The following RAP1A variants were observed in gnomAD, a reference collection of about 807,000 sequenced individuals.
RAP1A encodes the protein RAP1A, member of RAS oncogene family.
Under a neutral mutation model 26.4 loss-of-function variants are expected in RAP1A, and 6 were observed. The ratio of observed to expected loss-of-function variants is 0.23; its 90% CI spans 0.12 to 0.45. The LOEUF (loss-of-function observed/expected upper bound fraction) is 0.45, where lower values mean the gene tolerates loss of function less well. RAP1A is among the 20% of genes least tolerant of loss of function. The probability of loss-of-function intolerance (pLI) is 0.99; values close to 1 mark genes in which losing one functional copy is unlikely to be tolerated. For synonymous variants in RAP1A, 73 were observed against 79.4 expected (o/e 0.92, Z 0.43); for missense variants, 121 against 217.2 (o/e 0.56, Z 2.78).
chr1:111,619,803 G>T lies in RAP1A; in HGVS notation c.-159G>T. On this transcript the variant is annotated 5_prime_UTR_variant, in exon 1 of 8. It adds an upstream start codon to the 5' untranslated region. Coordinates refer to ENST00000369709, the MANE Select transcript of RAP1A (RefSeq NM_002884.4). ...GAGGAGGCGCCGCCGCCGCTCCCGA[G>T]GCCCCTGCCGCCGCCGCTCCCGCTG... is the stretch of plus-strand genomic sequence containing the variant. The T allele has an allele frequency of 2.5e-6, 1 of 398,844 alleles. No homozygotes were observed. Among genetic ancestry groups the T allele is most frequent in the Non-Finnish European group, 4.4e-6 (1 of 226,610 alleles). 24.7% of individuals were successfully genotyped at this position (398,844 alleles called of 1,614,324 possible).
chr1:111,701,257 C>T (rs964766943), intron 4 of RAP1A, among the ~76,000 whole-genome samples: 2 of 152,116 alleles, frequency 1.3e-5, no homozygotes, highest in African/African-American at 4.8e-5. Flanking sequence ...ACACTTTAGA[C>T]ATGTTTCCCT....
intron 1 of RAP1A, among the ~76,000 whole-genome samples, chr1:111,650,199 G>A (rs2101134180): frequency 7.1e-6 from 1 of 141,200 alleles, no homozygotes; most frequent in Non-Finnish European, 1.5e-5. Context: ...TACTTTTAAA[G>A]ATAAGAAGTT....
intron 1 of RAP1A, among the ~76,000 whole-genome samples, chr1:111,621,675 G>T (rs1481915790): frequency 6.6e-6 from 1 of 152,090 alleles, no homozygotes; most frequent in Non-Finnish European, 1.5e-5. Context: ...CCTTTTCTAG[G>T]CCACTGACAC....
intron 1 of RAP1A, among the ~76,000 whole-genome samples, chr1:111,670,644 GT>G (rs780562673): frequency 2.8e-4 from 43 of 152,170 alleles, no homozygotes; most frequent in Non-Finnish European, 6.2e-4. Context: ...GCCAAAGTTG[GT>G]TGTTTGAAAA....
chr1:111,600,617 A>G (rs977362523), intron 1 of RAP1A, among the ~76,000 whole-genome samples: 2 of 152,204 alleles, frequency 1.3e-5, no homozygotes, highest in Admixed American at 6.5e-5. Flanking sequence ...TTGTTAGGAC[A>G]CTGCTTTGTA....
intron 1 of RAP1A, among the ~76,000 whole-genome samples, chr1:111,571,072 C>A (rs1208369992): frequency 6.6e-6 from 1 of 152,220 alleles, no homozygotes; most frequent in Non-Finnish European, 1.5e-5. Context: ...ACCTGCACTT[C>A]TGCCTGACTA....
chr1:111,675,308 C>T (rs892142476), intron 1 of RAP1A, among the ~76,000 whole-genome samples: 8 of 151,860 alleles, frequency 5.3e-5, no homozygotes, highest in Non-Finnish European at 1.2e-4. Context: ...GGTGAAACCC[C>T]GTCTCTACAA....
At chr1:111,698,562 C>A (rs1661913599) in intron 4 of RAP1A, among the ~76,000 whole-genome samples, 1 of 152,084 alleles carries the variant, frequency 6.6e-6, no homozygotes, top group Non-Finnish European at 1.5e-5. Context: ...AGCCATGGCA[C>A]CTGGCTGGCA....
chr1:111,543,399 C>T (rs1656916725), intron 1 of RAP1A, among the ~76,000 whole-genome samples: 1 of 152,062 alleles, frequency 6.6e-6, no homozygotes, highest in South Asian at 2.1e-4. Flanking sequence ...CTGGTCTCAC[C>T]AAATACCATC....
chr1:111,697,597 CATTCTGATTA>C (rs1661876149), intron 4 of RAP1A, 100 bp downstream of exon 4: 2 of 1,547,446 alleles, frequency 1.3e-6, no homozygotes, highest in Admixed American at 2.2e-5. Flanking sequence ...TAAAAGTAAT[CATTCTGATTA>C]AGAAGAAATT....
rs143013332 is a variant in RAP1A, at chr1:111,563,089, C to A, written c.-28+20580C>A. Among the ~76,000 whole-genome samples, 270 of 152,262 alleles carry A rather than the reference C, an allele frequency of 1.8e-3. 1 individual carries two copies. The highest frequency in any genetic ancestry group is 6.8e-3 in the Middle Eastern group (2 of 294). On this transcript the variant is annotated intron_variant, in intron 1 of 7. Transcript: ENST00000356415. ...GCAGCGTACTCAAAGTCCTACACAG[C>A]TAGTAAGTAAGCAAAACTAACTTTA...
At chr1:111,573,627 G>A (rs11102309) in intron 1 of RAP1A, among the ~76,000 whole-genome samples, 22,027 of 152,044 alleles carry the variant, frequency 0.14, 2,211 homozygotes, top group Non-Finnish European at 0.21. Flanking sequence ...GAGCCACTGC[G>A]CCCGGCCTTG....
intron 1 of RAP1A, among the ~76,000 whole-genome samples, chr1:111,546,958 G>C (rs944740670): frequency 1.3e-5 from 2 of 152,042 alleles, no homozygotes; most frequent in Admixed American, 1.3e-4. Flanking sequence ...TTTTGTTTTG[G>C]TTTTTAATAA....
chr1:111,562,585 G>T (rs1283093479), intron 1 of RAP1A, among the ~76,000 whole-genome samples: 1 of 152,156 alleles, frequency 6.6e-6, no homozygotes, highest in African/African-American at 2.4e-5. Flanking sequence ...TCCCATACTT[G>T]TGTCCCATAA....
chr1:111,569,661 C>T (rs1046656389), intron 1 of RAP1A, among the ~76,000 whole-genome samples: 3 of 151,942 alleles, frequency 2.0e-5, no homozygotes, highest in Non-Finnish European at 4.4e-5. Context: ...TTTTAAGAGC[C>T]TCCAAAGACT....
chr1:111,678,781 C>G (rs1214519413), intron 1 of RAP1A, among the ~76,000 whole-genome samples: 1 of 150,840 alleles, frequency 6.6e-6, no homozygotes, highest in Non-Finnish European at 1.5e-5. Context: ...TTTGTATCAA[C>G]TTTTTATCCT....
intron 1 of RAP1A, among the ~76,000 whole-genome samples, chr1:111,546,726 G>C (rs1412686555): frequency 6.6e-6 from 1 of 152,122 alleles, no homozygotes; most frequent in Non-Finnish European, 1.5e-5. Flanking sequence ...AGGCTGGTAT[G>C]AACATGGGTG....
chr1:111,713,484 C>T lies in RAP1A; in HGVS notation c.*1083C>T, dbSNP rs552372094. The T allele has an allele frequency of 6.6e-5, 10 of 152,234 alleles. No individual in the cohort carries two copies. The South Asian group carries it at 1.5e-3, about 22-fold the overall frequency. The allele number at this position is 152,234 out of a possible 1,614,324, so 9.4% of individuals were successfully genotyped here. A position where few individuals can be genotyped will look rare whatever the true frequency, so the allele number is the denominator to read the frequency against. Reference sequence around the variant, plus strand: ...TCAGATCTTCCACAGCTTGTAATTTCATCAAGGGAATCCTTTTGCATTGTT... The same window carrying T: ...TCAGATCTTCCACAGCTTGTAATTTTATCAAGGGAATCCTTTTGCATTGTT... On this transcript the variant is annotated 3_prime_UTR_variant, in exon 8 of 8. Transcript: ENST00000369709.
At chr1:111,677,180 C>T (rs1039706397) in intron 1 of RAP1A, among the ~76,000 whole-genome samples, 1 of 152,166 alleles carries the variant, frequency 6.6e-6, no homozygotes, top group African/African-American at 2.4e-5. Flanking sequence ...GAGATTCATC[C>T]ATGTTGCAAG....
Sources: gnomAD v4.1 joint callset for allele counts (sites outside exome capture counted in the v4.1 genomes callset) on GRCh38, gnomAD v4.1.1 for gene constraint, MANE v1.5 for transcripts, NCBI Gene and HGNC (gene_info 2026-07-23, HGNC 2026-07-21) for gene names.